Variants in SYTL5 observed in about 807,000 individuals in gnomAD.
SYTL5 encodes the protein synaptotagmin like 5, also known as synaptotagmin-like protein 5.
Under a neutral mutation model 55.9 loss-of-function variants are expected in SYTL5, and 34 were observed. That is an observed-to-expected ratio of 0.61 (90% CI 0.46 to 0.81). The LOEUF is 0.81. Ranked by LOEUF, SYTL5 falls within the 30% of genes least tolerant of loss-of-function variation. SYTL5 has a pLI of 0.00. For missense variants in SYTL5, 637 were observed against 546.7 expected (o/e 1.17, Z -1.65); for synonymous variants, 221 against 188.7 (o/e 1.17, Z -1.40).
chrX:37,890,377 A>G, the SYTL5 span, among the ~76,000 whole-genome samples: 227 of 112,210 alleles, frequency 2.0e-3, 1 homozygote, highest in Admixed American at 2.6e-3. Context: ...TTCTGTCTTT[A>G]GATGAATGCA....
At chrX:37,995,178 C>T in the SYTL5 span, among the ~76,000 whole-genome samples, 862 of 110,226 alleles carry the variant, frequency 7.8e-3, 4 homozygotes, top group Non-Finnish European at 0.012. Context: ...CTGGGGTCCT[C>T]CGAGGCTTGT....
chrX:38,004,383 A>G (rs1933936874), upstream of SYTL5, among the ~76,000 whole-genome samples: 2 of 111,900 alleles, frequency 1.8e-5, no homozygotes, highest in African/African-American at 6.5e-5. Flanking sequence ...CAAAAAATTC[A>G]AAATAGAGCT....
chrX:37,971,965 C>T, the SYTL5 span, among the ~76,000 whole-genome samples: 1 of 110,406 alleles, frequency 9.1e-6, no homozygotes, highest in African/African-American at 3.3e-5. Context: ...GTCTCAGTTT[C>T]TCTCTCCAGA....
chrX:38,051,534 A>T lies in SYTL5; in HGVS notation c.120-2679A>T, dbSNP rs182872553. 3.6e-5 allele frequency among the ~76,000 whole-genome samples: 4 copies of T among 111,531 alleles called. No homozygotes were observed. The South Asian group carries it at 1.1e-3, about 32-fold the overall frequency. ...AAATTATTAATTATTATCCATTTCA[A>T]TCTCCTTCCCATATGCCTCAAATTC... On this transcript the variant is annotated intron_variant, in intron 2 of 16. Transcript: ENST00000297875.
intron 5 of SYTL5, among the ~76,000 whole-genome samples, chrX:38,076,339 G>A (rs1936389194): frequency 9.0e-6 from 1 of 111,624 alleles, no homozygotes; most frequent in Non-Finnish European, 1.9e-5. Flanking sequence ...GCTTAGTAGT[G>A]ACCTACCAGC....
the SYTL5 span, among the ~76,000 whole-genome samples, chrX:37,896,471 G>A: frequency 9.0e-6 from 1 of 111,074 alleles, no homozygotes; most frequent in Middle Eastern, 4.2e-3. Context: ...AGCTGGCTGT[G>A]TGACTTGCTT....
the SYTL5 span, among the ~76,000 whole-genome samples, chrX:37,920,463 G>A: frequency 9.1e-6 from 1 of 110,368 alleles, no homozygotes; most frequent in Non-Finnish European, 1.9e-5. Context: ...CCAATTGGTA[G>A]AACTACTGGA....
intron 3 of SYTL5, among the ~76,000 whole-genome samples, chrX:38,069,446 T>TGGACAGAATCCA (rs1936193655): frequency 8.9e-6 from 1 of 111,916 alleles, no homozygotes; most frequent in South Asian, 3.7e-4. Context: ...CAGTTCCTTG[T>TGGACAGAATCCA]GGCTGTCAGA....
At chrX:37,919,678 T>A in the SYTL5 span, among the ~76,000 whole-genome samples, 3 of 112,263 alleles carry the variant, frequency 2.7e-5, no homozygotes, top group East Asian at 2.8e-4. Context: ...TGGATATAGA[T>A]GTATTTATTT....
chrX:38,112,179 C>T (rs1937375356), intron 13 of SYTL5, among the ~76,000 whole-genome samples: 1 of 111,613 alleles, frequency 9.0e-6, no homozygotes, highest in African/African-American at 3.3e-5. Flanking sequence ...CCACAACAGC[C>T]TCCACCTGAG....
the SYTL5 span, among the ~76,000 whole-genome samples, chrX:37,952,102 A>C: frequency 9.0e-6 from 1 of 111,615 alleles, no homozygotes; most frequent in Non-Finnish European, 1.9e-5. Flanking sequence ...AAAATCAAGG[A>C]TATCTTTAGG....
chrX:37,991,589 C>T, the SYTL5 span, among the ~76,000 whole-genome samples: 38 of 110,601 alleles, frequency 3.4e-4, no homozygotes, highest in African/African-American at 1.1e-3. Context: ...GCCTCTGAGG[C>T]TTGTTGAATT....
At chrX:37,930,906 A>C in the SYTL5 span, among the ~76,000 whole-genome samples, 1 of 111,826 alleles carries the variant, frequency 8.9e-6, no homozygotes, top group Non-Finnish European at 1.9e-5. Flanking sequence ...GGAAAAAGAG[A>C]ACAAGTACTT....
intron 6 of SYTL5, among the ~76,000 whole-genome samples, chrX:38,083,774 A>ATGTGTGTGTGTGTG (rs3068306): frequency 0.026 from 2,495 of 94,243 alleles, 102 homozygotes; most frequent in African/African-American, 0.097. Flanking sequence ...AAATAGACTC[A>ATGTGTGTGTGTGTG]TGTGTGTGTG....
At chrX:38,060,227 C>G (rs1274406663) in intron 3 of SYTL5, among the ~76,000 whole-genome samples, 1 of 111,730 alleles carries the variant, frequency 9.0e-6, no homozygotes, top group Non-Finnish European at 1.9e-5. Flanking sequence ...AACTAGAGGC[C>G]TAAGTCACTC....
At chrX:38,004,719 A>G (rs991218293), upstream of SYTL5, among the ~76,000 whole-genome samples, 3 of 111,359 alleles carry the variant, frequency 2.7e-5, no homozygotes, top group African/African-American at 9.8e-5. Flanking sequence ...GGAGCTGAAA[A>G]TGAAAATAAT....
At chrX:38,006,894 T>G (rs1028328955) in intron 1 of SYTL5, among the ~76,000 whole-genome samples, 1 of 111,417 alleles carries the variant, frequency 9.0e-6, no homozygotes, top group Non-Finnish European at 1.9e-5. Context: ...AATATAAGTA[T>G]CTTTTTGTTA....
chrX:38,092,159 T>C (rs1775160563), intron 7 of SYTL5, among the ~76,000 whole-genome samples: 1 of 112,315 alleles, frequency 8.9e-6, no homozygotes, highest in African/African-American at 3.2e-5. Context: ...TCCCATTTCT[T>C]AGCATCTCTT....
chrX:37,955,699 T>G, the SYTL5 span, among the ~76,000 whole-genome samples: 1 of 111,795 alleles, frequency 8.9e-6, no homozygotes, highest in Admixed American at 9.5e-5. Context: ...AATTTATGAT[T>G]ATCTTTCCCT....
Sources: gnomAD v4.1 joint callset for allele counts (sites outside exome capture counted in the v4.1 genomes callset) on GRCh38, gnomAD v4.1.1 for gene constraint, MANE v1.5 for transcripts, NCBI Gene and HGNC (gene_info 2026-07-23, HGNC 2026-07-21) for gene names.